Variants in ANXA8 observed in about 807,000 individuals in gnomAD.
The protein encoded by ANXA8 is VAC-beta.
In ANXA8, 9 loss-of-function variants were observed where a neutral mutation model predicts 26.8. The observed-to-expected ratio is 0.34, with a 90% CI of 0.20 to 0.59. The LOEUF (loss-of-function observed/expected upper bound fraction) is 0.59. Ranked by LOEUF, ANXA8 falls within the 20% of genes least tolerant of loss-of-function variation. ANXA8 has a pLI of 0.84. For synonymous variants in ANXA8, 39 were observed against 94.8 expected (o/e 0.41, Z 3.42); for missense variants, 83 against 238.5 (o/e 0.35, Z 4.29).
chr10:47,549,903 G>A, the ANXA8 span, among the ~76,000 whole-genome samples: 1 of 142,652 alleles, frequency 7.0e-6, no homozygotes, highest in African/African-American at 2.7e-5. Context: ...CAGGAGTTTT[G>A]AGATCAGCCT....
chr10:47,726,678 C>A, the ANXA8 span, among the ~76,000 whole-genome samples: 11 of 152,384 alleles, frequency 7.2e-5, no homozygotes, highest in East Asian at 9.6e-4. Flanking sequence ...GAAAAAAAAA[C>A]CTTTTTTTCC....
the ANXA8 span, among the ~76,000 whole-genome samples, chr10:47,559,859 C>G: frequency 6.6e-6 from 1 of 152,026 alleles, no homozygotes; most frequent in East Asian, 1.9e-4. Flanking sequence ...ATAGCTCCTC[C>G]TGTACTTCCA....
chr10:47,586,289 G>A, the ANXA8 span, among the ~76,000 whole-genome samples: 2 of 144,068 alleles, frequency 1.4e-5, no homozygotes, highest in East Asian at 3.9e-4. Context: ...CGAGAATCTC[G>A]TTAGGTCAGT....
At chr10:47,580,765 A>C in the ANXA8 span, among the ~76,000 whole-genome samples, 1 of 142,796 alleles carries the variant, frequency 7.0e-6, no homozygotes, top group Non-Finnish European at 1.5e-5. Context: ...AAAAAAAAAA[A>C]CAAAAACAAA....
At chr10:47,668,346 C>T in the ANXA8 span, among the ~76,000 whole-genome samples, 1 of 148,636 alleles carries the variant, frequency 6.7e-6, no homozygotes, top group African/African-American at 2.5e-5. Flanking sequence ...TGGCTCACTA[C>T]AGCTTTGATT....
the ANXA8 span, among the ~76,000 whole-genome samples, chr10:47,649,231 C>A: frequency 6.0e-5 from 9 of 150,318 alleles, 1 homozygote; most frequent in Non-Finnish European, 8.8e-5. Context: ...TTGCCCTCAT[C>A]ATACTGTAGC....
chr10:47,543,649 G>C, the ANXA8 span: 1 of 668,438 alleles, frequency 1.5e-6, no homozygotes, highest in South Asian at 1.7e-5. Flanking sequence ...CTCCGGGTTT[G>C]TCAAATCTTC....
the ANXA8 span, among the ~76,000 whole-genome samples, chr10:47,895,267 C>T: frequency 2.3e-4 from 35 of 152,128 alleles, no homozygotes; most frequent in Non-Finnish European, 3.4e-4. Context: ...GGAGATGGTG[C>T]GACCGGGGAG....
the ANXA8 span, among the ~76,000 whole-genome samples, chr10:47,778,492 C>T: frequency 3.6e-4 from 55 of 151,684 alleles, 3 homozygotes; most frequent in East Asian, 7.0e-3. Context: ...GGTTGAGAAA[C>T]GTAATCAAGT....
chr10:47,938,702 G>C, the ANXA8 span, among the ~76,000 whole-genome samples: 1 of 147,004 alleles, frequency 6.8e-6, no homozygotes, highest in Non-Finnish European at 1.5e-5. Context: ...ACGGGGCTCT[G>C]GGCCTCCTCC....
chr10:47,654,165 T>C, the ANXA8 span, among the ~76,000 whole-genome samples: 2 of 150,974 alleles, frequency 1.3e-5, no homozygotes, highest in Admixed American at 6.6e-5. Context: ...GGAGTTTCAG[T>C]GTAGTGGGTT....
chr10:47,657,097 C>CACAATGACCTTCCCAGGT, the ANXA8 span, among the ~76,000 whole-genome samples: 1 of 150,514 alleles, frequency 6.6e-6, no homozygotes, highest in East Asian at 2.0e-4. Context: ...ATTTTCTATT[C>CACAATGACCTTCCCAGGT]CCTTTCACAA....
At chr10:47,493,451 T>C in the ANXA8 span, among the ~76,000 whole-genome samples, 1 of 149,152 alleles carries the variant, frequency 6.7e-6, no homozygotes, top group Non-Finnish European at 1.5e-5. Flanking sequence ...CAAAGCCCCT[T>C]CCCTGTTTCT....
At chr10:47,736,520 T>A in the ANXA8 span, among the ~76,000 whole-genome samples, 682 of 136,452 alleles carry the variant, frequency 5.0e-3, 2 homozygotes, top group African/African-American at 0.018. Context: ...AGAAAGGTTA[T>A]CCTGAAATAT....
At chr10:47,486,856 C>T (rs1311387725), upstream of ANXA8, among the ~76,000 whole-genome samples, 2 of 144,384 alleles carry the variant, frequency 1.4e-5, no homozygotes, top group African/African-American at 5.0e-5. Context: ...GCTTGTAGTC[C>T]AAGCTACTTG....
the ANXA8 span, among the ~76,000 whole-genome samples, chr10:47,937,276 C>T: frequency 6.7e-6 from 1 of 149,430 alleles, no homozygotes; most frequent in Non-Finnish European, 1.5e-5. Flanking sequence ...AATGGATCTG[C>T]CACCTACACA....
chr10:47,956,549 T>G, the ANXA8 span, among the ~76,000 whole-genome samples: 3 of 147,968 alleles, frequency 2.0e-5, no homozygotes, highest in East Asian at 6.7e-4. Context: ...AATACCCTAC[T>G]CGCAACCATG....
the ANXA8 span, among the ~76,000 whole-genome samples, chr10:47,727,111 G>A: frequency 4.6e-5 from 7 of 152,308 alleles, no homozygotes; most frequent in Non-Finnish European, 8.8e-5. Flanking sequence ...GCCTATGTAA[G>A]TTAGAAGGTT....
the ANXA8 span, chr10:47,507,696 T>C: frequency 2.1e-6 from 2 of 974,482 alleles, no homozygotes; most frequent in Non-Finnish European, 3.0e-6. Flanking sequence ...AATTCAAATC[T>C]TCTAGTTCAG....
Sources: gnomAD v4.1 joint callset for allele counts (sites outside exome capture counted in the v4.1 genomes callset) on GRCh38, gnomAD v4.1.1 for gene constraint, MANE v1.5 for transcripts, NCBI Gene and HGNC (gene_info 2026-07-23, HGNC 2026-07-21) for gene names.